Variants in CHRNA7 observed in about 807,000 individuals in gnomAD.
CHRNA7 encodes neuronal acetylcholine receptor subunit alpha-7.
CHRNA7 carries 17 observed loss-of-function variants against 48.0 expected under a neutral mutation model. The observed-to-expected ratio is 0.35, with a 90% CI of 0.24 to 0.53. The LOEUF is 0.53. CHRNA7 is among the 20% of genes least tolerant of loss of function. The pLI is 0.92. For missense variants in CHRNA7, 155 were observed against 577.7 expected, an observed-to-expected ratio of 0.27 and a Z score of 7.50; for synonymous variants, 75 against 242.3, an observed-to-expected ratio of 0.31 and a Z score of 6.41.
chr15:32,086,272 A>G (rs927174858), intron 2 of CHRNA7, among the ~76,000 whole-genome samples: 7 of 149,552 alleles, frequency 4.7e-5, no homozygotes, highest in Middle Eastern at 3.2e-3. Context: ...GGGAGGCTGA[A>G]GCAGGAGAAT....
chr15:32,130,140 G>A (rs1459773099), intron 4 of CHRNA7, among the ~76,000 whole-genome samples: 1 of 151,968 alleles, frequency 6.6e-6, no homozygotes, highest in African/African-American at 2.4e-5. Context: ...CTTGGTATAT[G>A]CTCCATGAGT....
chr15:32,072,424 C>T (rs1321379358), intron 2 of CHRNA7, among the ~76,000 whole-genome samples: 1 of 152,022 alleles, frequency 6.6e-6, no homozygotes, highest in Non-Finnish European at 1.5e-5. Flanking sequence ...AAAGCATTTT[C>T]AGGAGAGGAC....
chr15:32,149,129 A>G lies in CHRNA7; in HGVS notation c.351-4778A>G, dbSNP rs1302407701. On this transcript the variant is annotated intron_variant, in intron 4 of 9. Coordinates refer to ENST00000306901, the MANE Select transcript of CHRNA7 (RefSeq NM_000746.6). This position sits in a 1 kb window ranked among gnomAD's most constrained non-coding sequence, Gnocchi z 4.6. ...GCTCCTGCAAGGACGGAGAGGCCAC[A>G]GGCCGGCATCTTCACAAACTGTGGA... 6.6e-6 allele frequency among the ~76,000 whole-genome samples: 1 copy of G among 152,236 alleles called. No individual in the cohort carries two copies. Among genetic ancestry groups the G allele is most frequent in the Non-Finnish European group, 1.5e-5 (1 of 68,030 alleles).
At chr15:32,140,025 A>G (rs1303123735) in intron 4 of CHRNA7, among the ~76,000 whole-genome samples, 1 of 152,074 alleles carries the variant, frequency 6.6e-6, no homozygotes, top group Non-Finnish European at 1.5e-5. Context: ...TGCATCCATT[A>G]ACTGGTCATT....
intron 2 of CHRNA7, among the ~76,000 whole-genome samples, chr15:32,060,839 G>A (rs923589714): frequency 2.6e-5 from 4 of 152,300 alleles, no homozygotes; most frequent in East Asian, 3.9e-4. Flanking sequence ...CATCTGCGGC[G>A]GGAGGGCGTG....
chr15:32,147,475 C>T (rs2051514536), intron 4 of CHRNA7, among the ~76,000 whole-genome samples: 1 of 152,184 alleles, frequency 6.6e-6, no homozygotes, highest in Non-Finnish European at 1.5e-5. Flanking sequence ...ATGGCTTGAG[C>T]CCAAGAGTTT....
intron 2 of CHRNA7, among the ~76,000 whole-genome samples, chr15:32,092,916 T>C (rs6494212): frequency 0.7 from 106,839 of 152,010 alleles, 37,794 homozygotes; most frequent in East Asian, 0.91. Flanking sequence ...AGCTAGCTTT[T>C]TGACAATTCA....
At chr15:32,112,120 C>T (rs75599783) in intron 4 of CHRNA7, 6,873 of 628,280 alleles carry the variant, frequency 0.011, 288 homozygotes, top group East Asian at 0.1. Context: ...CGCTGGCTAG[C>T]CTGCTACTTA....
intron 2 of CHRNA7, among the ~76,000 whole-genome samples, chr15:32,051,129 G>C (rs956085045): frequency 6.6e-6 from 1 of 151,170 alleles, no homozygotes; most frequent in Non-Finnish European, 1.5e-5. Context: ...CAGTCTGCCC[G>C]TTCTCAGATC....
At chr15:32,098,312 G>C (rs1283951407) in intron 2 of CHRNA7, among the ~76,000 whole-genome samples, 1 of 152,206 alleles carries the variant, frequency 6.6e-6, no homozygotes, top group Non-Finnish European at 1.5e-5. Flanking sequence ...GGAAAGGGGA[G>C]GGGACAGATG....
intron 2 of CHRNA7, among the ~76,000 whole-genome samples, chr15:32,055,889 G>A (rs1354824996): frequency 6.6e-6 from 1 of 152,050 alleles, no homozygotes; most frequent in African/African-American, 2.4e-5. Flanking sequence ...TGAGGCAGGA[G>A]AATGGCGTGA....
intron 2 of CHRNA7, among the ~76,000 whole-genome samples, chr15:32,041,142 C>A (rs1343293175): frequency 2.0e-5 from 3 of 151,440 alleles, no homozygotes; most frequent in African/African-American, 4.9e-5. Flanking sequence ...GATTTTTTTT[C>A]CCCCACATGT....
intron 2 of CHRNA7, among the ~76,000 whole-genome samples, chr15:32,083,650 A>T (rs1354823278): frequency 1.3e-5 from 2 of 152,236 alleles, no homozygotes; most frequent in African/African-American, 4.8e-5. Flanking sequence ...GACGTCATCT[A>T]CACATAGCAA....
intron 2 of CHRNA7, among the ~76,000 whole-genome samples, chr15:32,069,385 C>A (rs2050018232): frequency 6.6e-6 from 1 of 152,210 alleles, no homozygotes; most frequent in Non-Finnish European, 1.5e-5. Context: ...ATGGCCGAAA[C>A]CTGTAGTCCC....
intron 4 of CHRNA7, among the ~76,000 whole-genome samples, chr15:32,146,062 T>C (rs766048465): frequency 3.9e-5 from 6 of 152,246 alleles, no homozygotes; most frequent in Non-Finnish European, 7.3e-5. Flanking sequence ...AACTCCTATG[T>C]ATAAGTCTTA....
intron 4 of CHRNA7, among the ~76,000 whole-genome samples, chr15:32,152,300 G>A (rs1340997372): frequency 1.3e-5 from 2 of 152,124 alleles, no homozygotes; most frequent in African/African-American, 2.4e-5. Flanking sequence ...ACAATTAGCC[G>A]GGAGTGGTGG....
intron 3 of CHRNA7, 46 bp downstream of exon 3, chr15:32,101,393 G>A: frequency 6.5e-7 from 1 of 1,542,054 alleles, no homozygotes; most frequent in Non-Finnish European, 8.7e-7. Flanking sequence ...GCAAGATCTT[G>A]CACCCAAGAT....
At chr15:32,166,898 C>A (rs1410306768) in intron 9 of CHRNA7, among the ~76,000 whole-genome samples, 1 of 117,412 alleles carries the variant, frequency 8.5e-6, no homozygotes, top group Admixed American at 9.6e-5. Flanking sequence ...GCCTAGGTGG[C>A]CAAATCCAGT....
chr15:32,038,484 C>T (rs1397903048), intron 2 of CHRNA7, among the ~76,000 whole-genome samples: 14 of 152,060 alleles, frequency 9.2e-5, no homozygotes, highest in Admixed American at 7.2e-4. Context: ...ATGAATCTCA[C>T]TTGACCATGG....
Sources: allele counts gnomAD v4.1 joint callset (sites outside exome capture counted in the v4.1 genomes callset), GRCh38; gene constraint gnomAD v4.1.1; non-coding constraint Gnocchi (gnomAD v3.1); transcripts MANE v1.5; gene names NCBI Gene and HGNC (gene_info 2026-07-23, HGNC 2026-07-21).